Variants in DOCK1 observed in about 807,000 individuals in gnomAD.
The protein encoded by DOCK1 is dedicator of cytokinesis protein 1.
Under a neutral mutation model 262.7 loss-of-function variants are expected in DOCK1, and 138 were observed. That is an observed-to-expected ratio of 0.53 (90% confidence interval 0.46 to 0.61). The LOEUF (loss-of-function observed/expected upper bound fraction) is 0.61, where lower values mean the gene tolerates loss of function less well. DOCK1 is among the 20% of genes least tolerant of loss of function. The pLI is 0.00. For synonymous variants in DOCK1, 866 were observed against 867.4 expected, an observed-to-expected ratio of 1.00 and a Z score of 0.03; for missense variants, 1,908 against 2,370.7, an observed-to-expected ratio of 0.80 and a Z score of 4.05.
At chr10:127,289,344 T>G (rs751289285) in intron 29 of DOCK1, among the ~76,000 whole-genome samples, 1 of 152,176 alleles carries the variant, frequency 6.6e-6, no homozygotes, top group Non-Finnish European at 1.5e-5. Flanking sequence ...ATTCATATTT[T>G]CTTGCACCTG....
At chr10:127,429,411 G>A (rs984271034) in intron 47 of DOCK1, among the ~76,000 whole-genome samples, 4 of 152,102 alleles carry the variant, frequency 2.6e-5, no homozygotes, top group Admixed American at 1.3e-4. Flanking sequence ...AGTCTGGGAT[G>A]TGCCTTTCCT....
At chr10:127,438,899 C>T in intron 48 of DOCK1, 128 bp from the exon 49 acceptor site, 3 of 935,102 alleles carry the variant, frequency 3.2e-6, no homozygotes, top group African/African-American at 1.7e-5. Flanking sequence ...TGAAGTCACC[C>T]TTGGCCTCCC....
At position 126,981,981 on chromosome 10, in the gene DOCK1, T is replaced by C; in HGVS notation, c.227+8T>C. 6.2e-7 allele frequency: 1 copy of C among 1,613,314 alleles called. No homozygotes were observed. Among genetic ancestry groups the C allele is most frequent in the Non-Finnish European group, 8.5e-7 (1 of 1,179,652 alleles). The stretch of plus-strand genomic sequence containing the variant: ...GATAGTTGAAGGAAAAGGGTGAGTC[T>C]GGTCTTGATGTTTAAATGAAGAATT... On this transcript the variant is annotated splice_region_variant and intron_variant, in intron 4 of 51. Transcript: ENST00000623213.
intron 29 of DOCK1, among the ~76,000 whole-genome samples, chr10:127,328,219 T>C (rs191251700): frequency 1.6e-4 from 25 of 151,656 alleles, no homozygotes; most frequent in Admixed American, 1.6e-3. Flanking sequence ...GCAGTGTCCA[T>C]AGCAGGTCTT....
At chr10:127,267,638 T>C (rs907399479) in intron 29 of DOCK1, among the ~76,000 whole-genome samples, 1 of 152,122 alleles carries the variant, frequency 6.6e-6, no homozygotes, top group African/African-American at 2.4e-5. Flanking sequence ...TCGTCGGGAG[T>C]GCCTGGCTGG....
In DOCK1 at chr10:127,100,573, G is replaced by C. The variant is rs985810093; in HGVS notation, c.2446-5658G>C. On this transcript the variant is annotated intron_variant, in intron 23 of 51. Transcript: ENST00000623213. The surrounding 1 kb of genome is among the most constrained non-coding windows in gnomAD (Gnocchi z 5.5). ...AGCCCTGGAGATGGATCAGAATTGG[G>C]AGTCATTGGCATGGCAGGAGGTGAG... Among the ~76,000 whole-genome samples, 3 of 152,076 alleles carry C rather than the reference G, an allele frequency of 2.0e-5. No individual in the cohort carries two copies. The highest frequency in any genetic ancestry group is 6.5e-5 in the Admixed American group (1 of 15,268).
chr10:127,405,189 A>G (rs1249349197), intron 40 of DOCK1, among the ~76,000 whole-genome samples: 1 of 152,224 alleles, frequency 6.6e-6, no homozygotes, highest in Non-Finnish European at 1.5e-5. Flanking sequence ...CTGTATGGCC[A>G]CGGTGCTAGA....
At chr10:127,073,658 T>G (rs1388350321) in intron 23 of DOCK1, among the ~76,000 whole-genome samples, 1 of 152,238 alleles carries the variant, frequency 6.6e-6, no homozygotes, top group Non-Finnish European at 1.5e-5. Context: ...TCTCCCTCTT[T>G]AAGGCAATGT....
chr10:127,420,901 ATTTGTTTGTTTG>A (rs80287621), intron 46 of DOCK1, among the ~76,000 whole-genome samples: 1 of 124,544 alleles, frequency 8.0e-6, no homozygotes, highest in Non-Finnish European at 1.8e-5. Context: ...TGAGCAGTTT[ATTTGTTTGTTTG>A]TTTGTTTGTT....
chr10:127,198,264 G>A (rs767938791), intron 27 of DOCK1, among the ~76,000 whole-genome samples: 82 of 152,248 alleles, frequency 5.4e-4, no homozygotes, highest in Admixed American at 1.2e-3. Flanking sequence ...CCTTGGGGAT[G>A]TGCTGTTGCA....
At chr10:127,361,670 C>T (rs758644336) in intron 32 of DOCK1, among the ~76,000 whole-genome samples, 11 of 152,154 alleles carry the variant, frequency 7.2e-5, no homozygotes, top group Admixed American at 2.0e-4. Context: ...CTGTTCCTGT[C>T]GCTGTGCACA....
chr10:127,402,651 C>T lies in DOCK1; in HGVS notation c.3928-404C>T, dbSNP rs563572306. On this transcript the variant is annotated intron_variant, in intron 38 of 51. Transcript: ENST00000623213. ...AGCTTGGGAAAAGAGCCAAGTCAGG[C>T]GCCCAGTTTCTACATAAATGGCACC... 3.1e-5 allele frequency: 16 copies of T among 519,286 alleles called. 1 individual carries two copies. Among genetic ancestry groups the T allele is most frequent in the South Asian group, 7.0e-5 (5 of 71,528 alleles). 32.2% of individuals were successfully genotyped at this position (519,286 alleles called of 1,614,324 possible). A position where few individuals can be genotyped will look rare whatever the true frequency, so the allele number is the denominator to read the frequency against.
intron 1 of DOCK1, among the ~76,000 whole-genome samples, chr10:126,961,759 G>C (rs1041876394): frequency 0.024 from 3,673 of 152,304 alleles, 161 homozygotes; most frequent in African/African-American, 0.085. Flanking sequence ...ATGGAAACTT[G>C]GGTTAGTTCC....
intron 23 of DOCK1, among the ~76,000 whole-genome samples, chr10:127,083,341 C>T (rs543341613): frequency 6.6e-6 from 1 of 152,294 alleles, no homozygotes; most frequent in Admixed American, 6.5e-5. Context: ...CCAAGCTGGA[C>T]GAGCAGTCCT....
At chr10:127,093,497 C>T (rs1020924605) in intron 23 of DOCK1, among the ~76,000 whole-genome samples, 15 of 151,720 alleles carry the variant, frequency 9.9e-5, no homozygotes, top group Non-Finnish European at 1.3e-4. Context: ...GGATCACAGA[C>T]GCGTGCCATT....
intron 27 of DOCK1, among the ~76,000 whole-genome samples, chr10:127,241,459 G>C (rs1055546158): frequency 5.9e-5 from 9 of 151,896 alleles, no homozygotes; most frequent in African/African-American, 1.9e-4. Flanking sequence ...TTTTTCACAA[G>C]GCCCAGTACT....
chr10:127,263,082 C>T (rs2060231441), intron 29 of DOCK1, among the ~76,000 whole-genome samples: 1 of 152,154 alleles, frequency 6.6e-6, no homozygotes, highest in Non-Finnish European at 1.5e-5. Flanking sequence ...TGTCTTTATT[C>T]GAGTGTCCAT....
chr10:127,436,396 T>C (rs985418660), intron 48 of DOCK1, among the ~76,000 whole-genome samples: 1 of 152,064 alleles, frequency 6.6e-6, no homozygotes, highest in African/African-American at 2.4e-5. Context: ...TGCATGCCTG[T>C]AGTCTCAGCT....
chr10:127,107,740 G>A (rs1442569526), intron 24 of DOCK1, among the ~76,000 whole-genome samples: 6 of 152,142 alleles, frequency 3.9e-5, no homozygotes, highest in African/African-American at 2.4e-5. Context: ...CTCCCTCCCC[G>A]TGCAGGTGCT....
Sources: gnomAD v4.1 joint callset for allele counts (sites outside exome capture counted in the v4.1 genomes callset) on GRCh38, gnomAD v4.1.1 for gene constraint, Gnocchi (gnomAD v3.1) non-coding constraint, MANE v1.5 for transcripts, NCBI Gene and HGNC (gene_info 2026-07-23, HGNC 2026-07-21) for gene names.